The following CLVS1 variants were observed in gnomAD, a reference collection of about 807,000 sequenced individuals.
CLVS1 encodes clavesin 1, also known as clavesin-1.
CLVS1 carries 10 observed loss-of-function variants against 33.1 expected under a neutral mutation model. The ratio of observed to expected loss-of-function variants is 0.30; its 90% CI spans 0.19 to 0.51. The LOEUF (loss-of-function observed/expected upper bound fraction) is 0.51, where lower values mean the gene tolerates loss of function less well. Ranked by LOEUF, CLVS1 falls within the 20% of genes least tolerant of loss-of-function variation. The pLI, the probability that CLVS1 is intolerant of heterozygous loss-of-function variation, is 0.97. For missense variants in CLVS1, 343 were observed against 433.4 expected (o/e 0.79, Z 1.85); for synonymous variants, 163 against 166.1 (o/e 0.98, Z 0.14).
chr8:61,194,583 G>A (rs1221507141), intron 2 of CLVS1, among the ~76,000 whole-genome samples: 1 of 151,832 alleles, frequency 6.6e-6, no homozygotes, highest in South Asian at 2.1e-4. Flanking sequence ...TCCCCAAAGG[G>A]AAATAGATAA....
At chr8:61,112,097 G>A (rs1805637737) in intron 1 of CLVS1, among the ~76,000 whole-genome samples, 2 of 151,590 alleles carry the variant, frequency 1.3e-5, no homozygotes, top group South Asian at 4.2e-4. Context: ...AATGACTGTT[G>A]CAGGGAAGCA....
the CLVS1 span, among the ~76,000 whole-genome samples, chr8:61,040,050 T>C: frequency 6.6e-6 from 1 of 152,218 alleles, no homozygotes; most frequent in Admixed American, 6.5e-5. Flanking sequence ...TGTGTCCATA[T>C]GTACCCAATG....
chr8:61,265,091 A>G (rs985503913), intron 2 of CLVS1, among the ~76,000 whole-genome samples: 2 of 152,178 alleles, frequency 1.3e-5, no homozygotes, highest in African/African-American at 4.8e-5. Flanking sequence ...CTGACTCCTC[A>G]TGACCTCCAA....
rs112401836 is a variant in CLVS1 at position 61,343,829 on chromosome 8, A to G, written c.456-32776A>G. Among the ~76,000 whole-genome samples, 779 of 152,312 alleles carry G rather than the reference A, an allele frequency of 5.1e-3. 4 individuals carry two copies. Among genetic ancestry groups the G allele is most frequent in the African/African-American group, 0.017 (712 of 41,550 alleles). ...AATATCAATACCCCGATAACATCCT[A>G]AAAAGAAAATGCTGTATAAAATAAA... On this transcript the variant is annotated intron_variant, in intron 2 of 5. Coordinates refer to ENST00000325897, the MANE Select transcript of CLVS1 (RefSeq NM_173519.3).
chr8:61,197,725 G>A (rs1807645526), intron 2 of CLVS1, among the ~76,000 whole-genome samples: 1 of 152,142 alleles, frequency 6.6e-6, no homozygotes, highest in Non-Finnish European at 1.5e-5. Context: ...TGGCCATGTT[G>A]GCCAGGCTGG....
intron 3 of CLVS1, among the ~76,000 whole-genome samples, chr8:61,424,594 G>A (rs923848002): frequency 6.6e-6 from 1 of 152,138 alleles, no homozygotes; most frequent in Non-Finnish European, 1.5e-5. Flanking sequence ...ATCACAATTA[G>A]AGCACGTATA....
chr8:61,154,560 C>A (rs1806613112), intron 2 of CLVS1, among the ~76,000 whole-genome samples: 1 of 152,128 alleles, frequency 6.6e-6, no homozygotes, highest in Admixed American at 6.5e-5. Flanking sequence ...GAGAGTTTGC[C>A]ACGGACTTGA....
At chr8:61,373,600 A>G (rs1813524835) in intron 2 of CLVS1, among the ~76,000 whole-genome samples, 1 of 152,242 alleles carries the variant, frequency 6.6e-6, no homozygotes, top group Non-Finnish European at 1.5e-5. Context: ...AAGATCTTCA[A>G]AGTTAATTAT....
chr8:61,415,174 A>G (rs1321705604), intron 3 of CLVS1, among the ~76,000 whole-genome samples: 1 of 151,992 alleles, frequency 6.6e-6, no homozygotes, highest in Non-Finnish European at 1.5e-5. Flanking sequence ...GTTTTTCTCT[A>G]CTCTCACAGG....
chr8:61,267,334 A>G (rs920280798), intron 2 of CLVS1, among the ~76,000 whole-genome samples: 3 of 152,106 alleles, frequency 2.0e-5, no homozygotes, highest in Non-Finnish European at 4.4e-5. Flanking sequence ...TAAATCTTGT[A>G]TCTAAATTTG....
At chr8:61,329,957 AT>A (rs776042371) in intron 2 of CLVS1, among the ~76,000 whole-genome samples, 12 of 152,226 alleles carry the variant, frequency 7.9e-5, no homozygotes, top group Non-Finnish European at 1.6e-4. Context: ...AGTTTAGAGG[AT>A]TCCCTTTAGC....
At chr8:61,004,072 C>T in the CLVS1 span, among the ~76,000 whole-genome samples, 3 of 152,176 alleles carry the variant, frequency 2.0e-5, no homozygotes. Context: ...GGAGTCGATT[C>T]AGACAAACGC....
intron 3 of CLVS1, among the ~76,000 whole-genome samples, chr8:61,403,687 C>T (rs1056996546): frequency 8.5e-5 from 13 of 152,196 alleles, no homozygotes; most frequent in Middle Eastern, 3.4e-3. Flanking sequence ...GTGAAGACTT[C>T]AGGTAAAAAT....
chr8:61,120,971 C>T (rs1341217764), intron 1 of CLVS1, among the ~76,000 whole-genome samples: 37 of 148,910 alleles, frequency 2.5e-4, no homozygotes, highest in Admixed American at 4.0e-4. Context: ...CCTCCCCCAG[C>T]CTCGCTGCCG....
In CLVS1 at chr8:61,452,154, C is replaced by G. The variant is rs144553553; in HGVS notation, c.631-1987C>G. Among the ~76,000 whole-genome samples the G allele has an allele frequency of 4.3e-4, 65 of 152,266 alleles. No individual in the cohort carries two copies. In the East Asian group the frequency reaches 9.8e-3, roughly 23 times the overall value. ...AGCACTGTAATTTTTCTTTCAACCT[C>G]CCCTGACACAATCAGAAGATAGTTT... On this transcript the variant is annotated intron_variant, in intron 3 of 5. Coordinates refer to ENST00000325897, the MANE Select transcript of CLVS1 (RefSeq NM_173519.3).
Position 61,330,553 on chromosome 8 carries a change from G to T in CLVS1, c.455+30271G>T, listed in dbSNP as rs1199811269. Among the ~76,000 whole-genome samples, 5 of 152,278 alleles carry T rather than the reference G, an allele frequency of 3.3e-5. 1 individual carries two copies. Among genetic ancestry groups the T allele is most frequent in the Middle Eastern group, 6.8e-3 (2 of 294 alleles). ...ATTAATTCACCTTCAGCAGTGATGG[G>T]ACTAAATCTCCTCTCAGTTTGGTCA... On this transcript the variant is annotated intron_variant, in intron 2 of 5. Transcript: ENST00000325897.
intron 3 of CLVS1, among the ~76,000 whole-genome samples, chr8:61,398,521 T>C (rs934059660): frequency 6.6e-6 from 1 of 152,114 alleles, no homozygotes; most frequent in African/African-American, 2.4e-5. Flanking sequence ...TTTGTAGGTA[T>C]TTTATTGTTT....
intron 1 of CLVS1, among the ~76,000 whole-genome samples, chr8:61,110,719 T>A (rs1025805932): frequency 6.6e-6 from 1 of 152,148 alleles, no homozygotes; most frequent in Non-Finnish European, 1.5e-5. Flanking sequence ...CCCTACCCCC[T>A]GGCAACCACC....
At chr8:60,986,949 T>C in the CLVS1 span, among the ~76,000 whole-genome samples, 9,950 of 152,332 alleles carry the variant, frequency 0.065, 383 homozygotes, top group African/African-American at 0.086. Flanking sequence ...GTACTCATCA[T>C]TGCTGTTGAG....
Sources: gnomAD v4.1 joint callset for allele counts (sites outside exome capture counted in the v4.1 genomes callset) on GRCh38, gnomAD v4.1.1 for gene constraint, MANE v1.5 for transcripts, NCBI Gene and HGNC (gene_info 2026-07-23, HGNC 2026-07-21) for gene names.